The following GPC5 variants were observed in gnomAD, a reference collection of about 807,000 sequenced individuals.
GPC5 encodes glypican-5.
Under a neutral mutation model 53.9 loss-of-function variants are expected in GPC5, and 47 were observed. The observed-to-expected ratio is 0.87, with a 90% CI of 0.69 to 1.11. The LOEUF (loss-of-function observed/expected upper bound fraction) is 1.11, where lower values mean the gene tolerates loss of function less well. Ranked by LOEUF, GPC5 falls within the 50% of genes most tolerant of loss-of-function variation. The pLI, the probability that GPC5 is intolerant of heterozygous loss-of-function variation, is 0.00. For missense variants in GPC5, 748 were observed against 713.1 expected (o/e 1.05, Z -0.56); for synonymous variants, 286 against 263.3 (o/e 1.09, Z -0.84).
chr13:91,972,319 G>T (rs1413897446), intron 6 of GPC5, among the ~76,000 whole-genome samples: 3 of 151,998 alleles, frequency 2.0e-5, no homozygotes, highest in African/African-American at 4.8e-5. Flanking sequence ...CATTTTCTTA[G>T]TAGATCTTCC....
intron 7 of GPC5, among the ~76,000 whole-genome samples, chr13:92,296,066 T>G (rs1484142615): frequency 1.3e-5 from 2 of 152,178 alleles, no homozygotes; most frequent in African/African-American, 2.4e-5. Flanking sequence ...TCCTGTGAGA[T>G]TCATGCTTTA....
intron 6 of GPC5, among the ~76,000 whole-genome samples, chr13:91,941,196 CTATTGGTCT>C (rs2039923769): frequency 6.6e-6 from 1 of 151,890 alleles, no homozygotes; most frequent in African/African-American, 2.4e-5. Context: ...CTATTTTATT[CTATTGGTCT>C]ATGTGTCTGC....
At chr13:91,761,286 C>G (rs965732067) in intron 5 of GPC5, among the ~76,000 whole-genome samples, 3 of 152,132 alleles carry the variant, frequency 2.0e-5, no homozygotes, top group Non-Finnish European at 2.9e-5. Flanking sequence ...TTGAAGAAAA[C>G]TCTCAAACCA....
intron 6 of GPC5, among the ~76,000 whole-genome samples, chr13:91,942,947 T>C (rs2039941477): frequency 6.6e-6 from 1 of 152,090 alleles, no homozygotes; most frequent in Non-Finnish European, 1.5e-5. Flanking sequence ...AAAAACACCA[T>C]GCTGCATAAA....
chr13:91,911,693 G>A (rs2039612061), intron 6 of GPC5, among the ~76,000 whole-genome samples: 3 of 152,150 alleles, frequency 2.0e-5, no homozygotes, highest in African/African-American at 4.8e-5. Context: ...ACAGACAGAA[G>A]ACCACATAAC....
At chr13:92,634,852 C>T (rs1248900031) in intron 7 of GPC5, among the ~76,000 whole-genome samples, 2 of 151,966 alleles carry the variant, frequency 1.3e-5, no homozygotes, top group East Asian at 3.8e-4. Context: ...CAGCCTGTAG[C>T]ATTCCTTTAA....
chr13:92,745,197 T>C (rs1222650811), intron 7 of GPC5, among the ~76,000 whole-genome samples: 2 of 152,082 alleles, frequency 1.3e-5, no homozygotes, highest in Non-Finnish European at 2.9e-5. Flanking sequence ...ACTTTGTTAG[T>C]TCAATATAAA....
intron 6 of GPC5, among the ~76,000 whole-genome samples, chr13:91,964,759 T>C (rs2040164411): frequency 6.6e-6 from 1 of 152,174 alleles, no homozygotes; most frequent in Admixed American, 6.5e-5. Flanking sequence ...TTATAAATCA[T>C]GCTGCTATGA....
At chr13:91,762,660 AATTATC>A (rs1176189146) in intron 5 of GPC5, among the ~76,000 whole-genome samples, 2 of 151,094 alleles carry the variant, frequency 1.3e-5, no homozygotes, top group African/African-American at 4.9e-5. Flanking sequence ...CCTTCCTAAT[AATTATC>A]ATTATCATAC....
chr13:92,669,516 G>A (rs988359776), intron 7 of GPC5, among the ~76,000 whole-genome samples: 4 of 152,076 alleles, frequency 2.6e-5, no homozygotes, highest in African/African-American at 9.7e-5. Context: ...TCGTCGGCTT[G>A]GCCAATGTCA....
chr13:92,422,130 C>T (rs534075788), intron 7 of GPC5, among the ~76,000 whole-genome samples: 1 of 133,180 alleles, frequency 7.5e-6, no homozygotes, highest in East Asian at 3.3e-4. Context: ...AATCTTGCCA[C>T]CATTTTTTTT....
chr13:92,455,294 A>G (rs774600014), intron 7 of GPC5, among the ~76,000 whole-genome samples: 2 of 152,232 alleles, frequency 1.3e-5, no homozygotes, highest in Admixed American at 1.3e-4. Context: ...TTATCTCAGT[A>G]TTCTGCTCAA....
chr13:92,727,455 C>G (rs1323116973), intron 7 of GPC5, among the ~76,000 whole-genome samples: 1 of 151,360 alleles, frequency 6.6e-6, no homozygotes, highest in African/African-American at 2.4e-5. Context: ...AAATGCTTTT[C>G]CTTTGCCTCA....
intron 6 of GPC5, among the ~76,000 whole-genome samples, chr13:92,034,744 A>G (rs771607362): frequency 1.3e-5 from 2 of 152,100 alleles, no homozygotes; most frequent in Non-Finnish European, 2.9e-5. Flanking sequence ...TAAAGAAAAA[A>G]TTCATATAAT....
At chr13:92,158,732 C>A (rs73620869) in intron 7 of GPC5, among the ~76,000 whole-genome samples, 1,827 of 152,084 alleles carry the variant, frequency 0.012, 54 homozygotes, top group African/African-American at 0.041. Flanking sequence ...CTGTATTGTC[C>A]ATCTCTACAC....
intron 7 of GPC5, among the ~76,000 whole-genome samples, chr13:92,793,874 A>C (rs1303959973): frequency 6.6e-6 from 1 of 152,200 alleles, no homozygotes. Context: ...ACAGGCTCTG[A>C]AATTGAGGCA....
At chr13:92,440,609 T>C (rs1477951604) in intron 7 of GPC5, among the ~76,000 whole-genome samples, 1 of 152,220 alleles carries the variant, frequency 6.6e-6, no homozygotes, top group Non-Finnish European at 1.5e-5. Flanking sequence ...CCTTTGGGTA[T>C]ATACCCAGGA....
chr13:91,825,718 G>C (rs1402163438), intron 5 of GPC5, among the ~76,000 whole-genome samples: 1 of 152,094 alleles, frequency 6.6e-6, no homozygotes, highest in Non-Finnish European at 1.5e-5. Flanking sequence ...CGTGATACCA[G>C]TTGGCTGGAA....
At chr13:91,984,171 A>G (rs1026815417) in intron 6 of GPC5, among the ~76,000 whole-genome samples, 2 of 152,186 alleles carry the variant, frequency 1.3e-5, no homozygotes, top group African/African-American at 4.8e-5. Context: ...AGCAATTATT[A>G]TTGAGAAGTG....
Sources: allele counts gnomAD v4.1 joint callset (sites outside exome capture counted in the v4.1 genomes callset), GRCh38; gene constraint gnomAD v4.1.1; transcripts MANE v1.5; gene names NCBI Gene and HGNC (gene_info 2026-07-23, HGNC 2026-07-21).